Variants in CDH22 observed in about 807,000 individuals in gnomAD.
The protein encoded by CDH22 is cadherin 22, also known as cadherin-22.
In CDH22, 30 loss-of-function variants were observed where a neutral mutation model predicts 58.4. The ratio of observed to expected loss-of-function variants is 0.51; its 90% confidence interval spans 0.38 to 0.70. The LOEUF (loss-of-function observed/expected upper bound fraction) is 0.70. CDH22 is among the 30% of genes least tolerant of loss of function. The pLI is 0.00. For missense variants in CDH22, 1,014 were observed against 1,233.9 expected (o/e 0.82, Z 2.67); for synonymous variants, 513 against 558.2 (o/e 0.92, Z 1.14).
intron 1 of CDH22, among the ~76,000 whole-genome samples, chr20:46,258,199 G>A (rs565499986): frequency 3.9e-5 from 6 of 152,150 alleles, no homozygotes; most frequent in Admixed American, 3.9e-4. Flanking sequence ...GACTGGAACA[G>A]GTTCAAGAGA....
At chr20:46,237,501 C>T (rs1038739277) in intron 3 of CDH22, among the ~76,000 whole-genome samples, 3 of 152,196 alleles carry the variant, frequency 2.0e-5, no homozygotes, top group African/African-American at 7.2e-5. Context: ...GACTGATTTT[C>T]AAAGCTGCCT....
At chr20:46,181,716 T>TCCTTCC (rs2085786394) in intron 10 of CDH22, among the ~76,000 whole-genome samples, 4 of 44,334 alleles carry the variant, frequency 9.0e-5, no homozygotes, top group Admixed American at 7.5e-4. Flanking sequence ...TCTTTCTTTT[T>TCCTTCC]TTCCTTCCTT....
At chr20:46,250,228 A>G (rs2086360522) in intron 2 of CDH22, among the ~76,000 whole-genome samples, 1 of 152,188 alleles carries the variant, frequency 6.6e-6, no homozygotes, top group Admixed American at 6.5e-5. Context: ...TCATTCATTC[A>G]CTTAATAAAC....
At position 46,178,056 on chromosome 20, in the gene CDH22, C is replaced by T. The variant is rs1232887511; in HGVS notation, c.1805G>A (p.Cys602Tyr). ...GGACTGGATGGTGCCGGAGCTGTCG[C>T]AGCCACAGATGCGGATGGTGAGCGT... ...TGTLTIRICG[C>Y]DSSGTIQSCN... The change falls in exon 11 of 12, where the codon TGC becomes TAC. Residue 602 changes from cysteine to tyrosine, a missense_variant. Around this residue, in one of 2 missense-constraint regions of CDH22, gnomAD observed 806 missense variants for 1,038.7 expected, o/e 0.78. Coordinates refer to ENST00000537909, the MANE Select transcript of CDH22 (RefSeq NM_021248.3). 1.2e-6 allele frequency: 2 copies of T among 1,614,118 alleles called. No homozygotes were observed. The highest frequency in any genetic ancestry group is 1.1e-5 in the South Asian group (1 of 91,082).
intron 10 of CDH22, among the ~76,000 whole-genome samples, chr20:46,185,425 G>A (rs1443100936): frequency 1.3e-5 from 2 of 152,108 alleles, no homozygotes; most frequent in African/African-American, 4.8e-5. Flanking sequence ...GACTTGGGAT[G>A]GGGTTGGGTT....
At chr20:46,199,584 T>C (rs370877599) in intron 7 of CDH22, 25 bp from the exon 8 acceptor site, 15 of 1,609,740 alleles carry the variant, frequency 9.3e-6, no homozygotes, top group South Asian at 4.4e-5. Flanking sequence ...GCAGGGCTGA[T>C]TGAAGGTGCC....
chr20:46,284,281 T>C (rs1248609215), intron 1 of CDH22, among the ~76,000 whole-genome samples: 1 of 152,132 alleles, frequency 6.6e-6, no homozygotes, highest in East Asian at 1.9e-4. Flanking sequence ...TGAACCCTGA[T>C]TGCAGTTCGT....
chr20:46,204,415 A>G (rs1220701374), intron 7 of CDH22, among the ~76,000 whole-genome samples: 70 of 129,588 alleles, frequency 5.4e-4, no homozygotes, highest in East Asian at 5.2e-3. Context: ...AAAAAAAAAA[A>G]AAAGAGAGAG....
At chr20:46,178,470 C>T (rs2085757910) in intron 10 of CDH22, among the ~76,000 whole-genome samples, 1 of 152,132 alleles carries the variant, frequency 6.6e-6, no homozygotes, top group Non-Finnish European at 1.5e-5. Context: ...TGTCCTCAAA[C>T]CATCCCAAGA....
chr20:46,217,180 TCA>T (rs1310726779), intron 4 of CDH22, among the ~76,000 whole-genome samples, 187 bp from the exon 5 acceptor site: 1 of 151,798 alleles, frequency 6.6e-6, no homozygotes, highest in Non-Finnish European at 1.5e-5. Flanking sequence ...CCACACACAC[TCA>T]CACACGCTCA....
At chr20:46,285,573 A>G (rs1029225760) in intron 1 of CDH22, among the ~76,000 whole-genome samples, 14 of 152,258 alleles carry the variant, frequency 9.2e-5, no homozygotes, top group Non-Finnish European at 1.8e-4. Flanking sequence ...CAAACCTAAG[A>G]TATCAGTAGT....
intron 1 of CDH22, among the ~76,000 whole-genome samples, chr20:46,252,636 A>G (rs560526024): frequency 6.6e-6 from 1 of 152,272 alleles, no homozygotes; most frequent in African/African-American, 2.4e-5. Context: ...CTCAATCCCC[A>G]CTTCTCCTTC....
At chr20:46,214,013 T>A (rs2086063836) in intron 5 of CDH22, among the ~76,000 whole-genome samples, 2 of 152,142 alleles carry the variant, frequency 1.3e-5, no homozygotes, top group South Asian at 4.1e-4. Flanking sequence ...TTAAATAGGC[T>A]GATCTAGAAA....
rs143412251 is a variant in CDH22, at chr20:46,273,786, C to T, written c.-399-22093G>A. ...TGTGAAAGGACTCACAGGAAGTGGA[C>T]ATTGTAGTAAAGGCCTGAACTCAAG... On this transcript the variant is annotated intron_variant, in intron 1 of 11. Transcript: ENST00000537909. 8.1e-3 allele frequency among the ~76,000 whole-genome samples: 1,238 copies of T among 152,260 alleles called. 7 individuals are homozygous for T. Among genetic ancestry groups the T allele is most frequent in the South Asian group, 0.014 (67 of 4,816 alleles).
In CDH22 at chr20:46,174,012, C is replaced by A; in HGVS notation, c.*494G>T. 1 of 155,614 alleles carries A rather than the reference C, an allele frequency of 6.4e-6. No individual in the cohort carries two copies. Among genetic ancestry groups the A allele is most frequent in the Non-Finnish European group, 1.4e-5 (1 of 70,472 alleles). 9.6% of individuals were successfully genotyped at this position (155,614 alleles called of 1,614,324 possible). On this transcript the variant is annotated 3_prime_UTR_variant, in exon 12 of 12. Transcript: ENST00000537909. The surrounding 1 kb of genome is among the most constrained non-coding windows in gnomAD (Gnocchi z 4.4). Reference sequence around the variant, plus strand: ...TCTGGGGTCCTTTCCCCTTCTATTCCGTGCAGGACACCACCTCATGGTTTC... The same window carrying A: ...TCTGGGGTCCTTTCCCCTTCTATTCAGTGCAGGACACCACCTCATGGTTTC...
At chr20:46,188,414 C>T (rs144796442) in intron 8 of CDH22, among the ~76,000 whole-genome samples, 6 of 152,260 alleles carry the variant, frequency 3.9e-5, no homozygotes, top group Non-Finnish European at 7.4e-5. Flanking sequence ...TTATGCCTAG[C>T]GTTCCATTAT....
chr20:46,299,754 C>T (rs1436256918), intron 1 of CDH22, among the ~76,000 whole-genome samples: 1 of 152,222 alleles, frequency 6.6e-6, no homozygotes. Context: ...CTCAATAATC[C>T]TATGAGATAG....
At chr20:46,227,860 C>A (rs2145711920) in intron 3 of CDH22, among the ~76,000 whole-genome samples, 1 of 152,332 alleles carries the variant, frequency 6.6e-6, no homozygotes, top group South Asian at 2.1e-4. Context: ...GGATTCAAGT[C>A]CCCTTGGGGT....
At chr20:46,229,289 G>GGC (rs796495339) in intron 3 of CDH22, among the ~76,000 whole-genome samples, 98 of 138,524 alleles carry the variant, frequency 7.1e-4, no homozygotes, top group African/African-American at 2.7e-3. Flanking sequence ...ATGCAGAGTG[G>GGC]CCCCCCCCCC....
Sources: allele counts gnomAD v4.1 joint callset (sites outside exome capture counted in the v4.1 genomes callset), GRCh38; gene constraint gnomAD v4.1.1; regional missense constraint gnomAD v4.1.1; non-coding constraint Gnocchi (gnomAD v3.1); transcripts MANE v1.5; gene names NCBI Gene and HGNC (gene_info 2026-07-23, HGNC 2026-07-21).